Variants in CCDC136 observed in about 807,000 individuals in gnomAD.
CCDC136 encodes the protein coiled-coil domain-containing protein 136.
In CCDC136, 100 loss-of-function variants were observed where a neutral mutation model predicts 141.2. The observed-to-expected ratio is 0.71, with a 90% CI of 0.60 to 0.84. CCDC136 has a LOEUF of 0.84. Ranked by LOEUF, CCDC136 falls within the 40% of genes least tolerant of loss-of-function variation. The pLI is 0.00. For synonymous variants in CCDC136, 474 were observed against 531.9 expected (o/e 0.89, Z 1.50); for missense variants, 1,206 against 1,379.4 (o/e 0.87, Z 1.99).
Position 128,801,248 on chromosome 7 carries a change from A to C in CCDC136, c.409A>C (p.Lys137Gln), listed in dbSNP as rs1422879570. 2 of 1,613,844 alleles carry C rather than the reference A, an allele frequency of 1.2e-6. No individual in the cohort carries two copies. The highest frequency in any genetic ancestry group is 1.7e-6 in the Non-Finnish European group (2 of 1,179,888). The change falls in exon 4 of 18, where the codon AAG becomes CAG. Residue 137 changes from lysine to glutamine, a missense_variant. Transcript: ENST00000297788. ...AGAGCATGAGAAAGAAAGCGAACTT[A>C]AGGAAATAGAACAGGAATTGCATTT... ...LLEHEKESEL[K>Q]EIEQELHLAQ...
intron 3 of CCDC136, among the ~76,000 whole-genome samples, chr7:128,799,528 T>C (rs1803663227): frequency 6.6e-6 from 1 of 151,794 alleles, no homozygotes; most frequent in African/African-American, 2.4e-5. Context: ...GCAAACCAGA[T>C]ATGCTCTCTG....
chr7:128,819,517 C>A (rs1185587633), intron 17 of CCDC136, among the ~76,000 whole-genome samples: 1 of 152,142 alleles, frequency 6.6e-6, no homozygotes, highest in Non-Finnish European at 1.5e-5. Flanking sequence ...TGAAAGTATT[C>A]TATAAATTAT....
In CCDC136 at chr7:128,815,612, A is replaced by C. The variant is rs1017115118; in HGVS notation, c.3046-2A>C. 6.4e-7 allele frequency: 1 copy of C among 1,551,294 alleles called. No individual in the cohort carries two copies. Among genetic ancestry groups the C allele is most frequent in the Non-Finnish European group, 8.7e-7 (1 of 1,146,776 alleles). Reference sequence around the variant, plus strand: ...CCATCCTGCCCTACTCCCACCCCACAGAGTCTGGAGGTAGTGCTGTACTAC... The same window carrying C: ...CCATCCTGCCCTACTCCCACCCCACCGAGTCTGGAGGTAGTGCTGTACTAC... On this transcript the variant is annotated splice_acceptor_variant, in intron 15 of 17. Transcript: ENST00000297788. LOFTEE classifies it high-confidence loss of function.
In CCDC136 at chr7:128,804,734, G is replaced by A; in HGVS notation, c.755G>A (p.Gly252Glu). 6.3e-7 allele frequency: 1 copy of A among 1,599,758 alleles called. No homozygotes were observed. Among genetic ancestry groups the A allele is most frequent in the Non-Finnish European group, 8.5e-7 (1 of 1,173,208 alleles). Residue 252 changes from glycine (G) to glutamate (E), a missense_variant, in exon 5 of 18, where the codon GGG (glycine) becomes GAG (glutamate). Coordinates refer to ENST00000297788, the MANE Select transcript of CCDC136 (RefSeq NM_022742.5). ...ALQESNSSLTGQLADLESERT... is the reference protein window; with the variant it reads ...ALQESNSSLTEQLADLESERT... The stretch of plus-strand genomic sequence containing the variant: ...CAGGAGAGCAACAGCAGCCTCACGG[G>A]GCAGCTTGCAGATCTGGAGAGTGAG...
rs1807474773 is a variant in CCDC136 at position 128,821,839 on chromosome 7, T to C, written c.*46T>C. The C allele has an allele frequency of 3.1e-6, 4 of 1,290,412 alleles. No homozygotes were observed. Among genetic ancestry groups the C allele is most frequent in the Non-Finnish European group, 4.0e-6 (4 of 989,008 alleles). 79.9% of individuals were successfully genotyped at this position (1,290,412 alleles called of 1,614,324 possible). On this transcript the variant is annotated 3_prime_UTR_variant, in exon 18 of 18. Coordinates refer to ENST00000297788, the MANE Select transcript of CCDC136 (RefSeq NM_022742.5). This position sits in a 1 kb window ranked among gnomAD's most constrained non-coding sequence, Gnocchi z 5.1. ...TGGAAGCCTATGGTATTCTTGGCTA[T>C]TGCAGCTGTGGCTCTGTATGTGTTA...
At chr7:128,808,604 C>G (rs1805227660) in intron 10 of CCDC136, 2 of 985,304 alleles carry the variant, frequency 2.0e-6, no homozygotes, top group African/African-American at 3.5e-5. Flanking sequence ...GAGTTGGTCA[C>G]ATTCTGCCAG....
At chr7:128,807,313 C>T in intron 9 of CCDC136, 47 bp from the exon 10 acceptor site, 1 of 1,355,140 alleles carries the variant, frequency 7.4e-7, no homozygotes, top group East Asian at 2.9e-5. Flanking sequence ...GAGAGTCCAG[C>T]AGCAGGAGTG....
In CCDC136 at chr7:128,810,437, C is replaced by G. The variant is rs1185566766; in HGVS notation, c.2028+71C>G. 4 of 1,145,334 alleles carry G rather than the reference C, an allele frequency of 3.5e-6. No homozygotes were observed. In the African/African-American group the frequency reaches 6.1e-5, roughly 18 times the overall value. 70.9% of individuals were successfully genotyped at this position (1,145,334 alleles called of 1,614,324 possible). On this transcript the variant is annotated intron_variant, in intron 12 of 17. Coordinates refer to ENST00000297788, the MANE Select transcript of CCDC136 (RefSeq NM_022742.5). ...GCATGGCAGAGAGAGTGGGCACCGC[C>G]GAAGGGTCAGAGTTGGGAAGGCGTG...
Position 128,801,366 on chromosome 7 carries a change from G to C in CCDC136, c.527G>C (p.Cys176Ser), listed in dbSNP as rs778582583. The change falls in exon 4 of 18, where the codon TGC becomes TCC. Residue 176 changes from cysteine (C) to serine (S), a missense_variant. Transcript: ENST00000297788. ...SDIASLQEDL[C>S]RMQNELEDME... ...ATAGCATCCCTGCAGGAGGATCTCTGCCGGATGCAGAATGAACTTGAAGAC... is the reference window on the plus strand; with the variant it reads ...ATAGCATCCCTGCAGGAGGATCTCTCCCGGATGCAGAATGAACTTGAAGAC... 1.9e-6 allele frequency: 3 copies of C among 1,613,392 alleles called. No individual in the cohort carries two copies. Among genetic ancestry groups the C allele is most frequent in the African/African-American group, 1.3e-5 (1 of 74,914 alleles).
At position 128,806,949 on chromosome 7, in the gene CCDC136, G is replaced by A. The variant is rs550215294; in HGVS notation, c.1419+91G>A. ...GAGGACGAGAGGGAATGGTAGGAGT[G>A]TGGAGGAGCTGGCAGTGAGGGGGCC... On this transcript the variant is annotated intron_variant, in intron 9 of 17. Coordinates refer to ENST00000297788, the MANE Select transcript of CCDC136 (RefSeq NM_022742.5). The A allele has an allele frequency of 3.7e-6, 5 of 1,365,454 alleles. No individual in the cohort carries two copies. The East Asian group carries it at 7.5e-5, about 20-fold the overall frequency. The allele number at this position is 1,365,454 out of a possible 1,614,324, so 84.6% of individuals were successfully genotyped here.
At position 128,812,755 on chromosome 7, in the gene CCDC136, G is replaced by A; in HGVS notation, c.2589G>A (p.Val863=). 6.2e-7 allele frequency: 1 copy of A among 1,613,584 alleles called. No individual in the cohort carries two copies. The highest frequency in any genetic ancestry group is 1.1e-5 in the South Asian group (1 of 91,036). ...VVKVLIKLQA[V]QAMYQISQEE... is the part of the protein sequence containing the mutation. ...AAGTGCTGATCAAGCTGCAGGCGGTGCAGGCCATGTACCAGATAAGCCAGG... is the reference window on the plus strand; with the variant it reads ...AAGTGCTGATCAAGCTGCAGGCGGTACAGGCCATGTACCAGATAAGCCAGG... The change falls in exon 14 of 18, where the codon GTG becomes GTA. Residue 863 remains valine, a synonymous_variant. Coordinates refer to ENST00000297788, the MANE Select transcript of CCDC136 (RefSeq NM_022742.5).
At chr7:128,806,905 G>C in intron 9 of CCDC136, 47 bp downstream of exon 9, 2 of 1,544,780 alleles carry the variant, frequency 1.3e-6, no homozygotes, top group South Asian at 1.3e-5. Context: ...GCATCATCTT[G>C]TGTGAGGGTG....
Position 128,806,728 on chromosome 7 carries a change from A to G in CCDC136, c.1289A>G (p.Gln430Arg). 1 of 1,611,442 alleles carries G rather than the reference A, an allele frequency of 6.2e-7. No homozygotes were observed. ...CRLQKLHLQH[Q>R]NVTCEKEKLL... The stretch of plus-strand genomic sequence containing the variant: ...CTGCAGAAGCTGCACCTCCAGCACC[A>G]GAACGTCACATGTGAGAAGGAAAAG... Residue 430 changes from glutamine (Q) to arginine (R), a missense_variant, in exon 9 of 18, where the codon CAG (glutamine) becomes CGG (arginine). Transcript: ENST00000297788.
At chr7:128,791,933 C>T (rs1387894257), upstream of CCDC136, 2 of 772,928 alleles carry the variant, frequency 2.6e-6, no homozygotes, top group Non-Finnish European at 3.4e-6. This position sits in a 1 kb window ranked among gnomAD's most constrained non-coding sequence, Gnocchi z 7.1. Context: ...GGTCGCAGCC[C>T]TACCCCTTCC....
rs1159312367 is a variant in CCDC136, at chr7:128,807,380, G to A, written c.1440G>A (p.Gln480=). 1.4e-5 allele frequency: 22 copies of A among 1,562,394 alleles called. No homozygotes were observed. Among genetic ancestry groups the A allele is most frequent in the Non-Finnish European group, 1.9e-5 (22 of 1,154,560 alleles). Residue 480 remains glutamine (Q), a synonymous_variant, in exon 10 of 18, where the codon CAG becomes CAA. Coordinates refer to ENST00000297788, the MANE Select transcript of CCDC136 (RefSeq NM_022742.5). ...CCCAGGACACAGAGACGCACGCTCA[G>A]CTTCAGGAGATGAAGCAGCTGTACC... ...SNEKDTETHA[Q]LQEMKQLYQA...
intron 12 of CCDC136, among the ~76,000 whole-genome samples, chr7:128,811,049 G>A (rs1255846240): frequency 6.6e-6 from 1 of 152,220 alleles, no homozygotes; most frequent in East Asian, 1.9e-4. Context: ...AAGTTGTTCT[G>A]AGGTCTCAGC....
At chr7:128,795,251 C>T (rs1219191638) in intron 3 of CCDC136, among the ~76,000 whole-genome samples, 1 of 152,154 alleles carries the variant, frequency 6.6e-6, no homozygotes. Context: ...GACAGCACTT[C>T]TGTTGCTGCC....
rs780323424 is a variant in CCDC136 at position 128,804,678 on chromosome 7, C to T, written c.699C>T (p.Tyr233=). ...AACTGCAGGAGCTGCGGGAACGCTA[C>T]CATTTCCTGAATGAGGAATACCGGG... ...QEELQELRER[Y]HFLNEEYRAL... The change falls in exon 5 of 18, where the codon TAC becomes TAT. Residue 233 remains tyrosine, a synonymous_variant. Transcript: ENST00000297788. 4.3e-5 allele frequency: 68 copies of T among 1,588,326 alleles called. No homozygotes were observed. The highest frequency in any genetic ancestry group is 5.3e-5 in the Non-Finnish European group (62 of 1,167,376).
intron 5 of CCDC136, 128 bp downstream of exon 5, chr7:128,804,889 A>G (rs1585084024): frequency 3.2e-6 from 2 of 622,034 alleles, no homozygotes; most frequent in East Asian, 2.8e-5. Flanking sequence ...AGTCCTTTCC[A>G]TGGTTTCCAA....
Sources: gnomAD v4.1 joint callset for allele counts (sites outside exome capture counted in the v4.1 genomes callset) on GRCh38, gnomAD v4.1.1 for gene constraint, Gnocchi (gnomAD v3.1) non-coding constraint, MANE v1.5 for transcripts, NCBI Gene and HGNC (gene_info 2026-07-23, HGNC 2026-07-21) for gene names.